Variants in BRSK1 observed in about 807,000 individuals in gnomAD.
BRSK1 encodes the protein serine/threonine-protein kinase BRSK1.
BRSK1 carries 17 observed loss-of-function variants against 86.2 expected under a neutral mutation model. That is an observed-to-expected ratio of 0.20 (90% CI 0.14 to 0.30). The LOEUF (loss-of-function observed/expected upper bound fraction) is 0.30. Among genes scored for constraint, BRSK1 ranks in the 10% least tolerant of loss-of-function variants. The pLI is 1.00. For synonymous variants in BRSK1, 464 were observed against 440.1 expected (o/e 1.05, Z -0.68); for missense variants, 719 against 1,071.9 (o/e 0.67, Z 4.60).
At position 55,306,399 on chromosome 19, in the gene BRSK1, G is replaced by C; in HGVS notation, c.2038G>C (p.Asp680His). ...SEGPEPSPRR[D>H]GSGGGGIYSV... is the part of the protein sequence containing the mutation. The stretch of plus-strand genomic sequence containing the variant: ...GGGTCCAGAGCCCTCCCCGCGACGG[G>C]ACGGCAGCGGAGGTGGTGGCATCTA... The change falls in exon 17 of 19, where the codon GAC becomes CAC. Residue 680 changes from aspartate (D) to histidine (H), a missense_variant. Physicochemically the swap from Asp to His is moderately conservative, Grantham distance 81. This residue lies in a region of BRSK1 where 180 missense variants were observed against 259.4 expected (regional missense o/e 0.69). Transcript: ENST00000309383. The surrounding 1 kb of genome is among the most constrained non-coding windows in gnomAD (Gnocchi z 4.7). The C allele has an allele frequency of 6.2e-7, 1 of 1,613,852 alleles. No individual in the cohort carries two copies. The highest frequency in any genetic ancestry group is 1.1e-5 in the South Asian group (1 of 91,086).
In BRSK1 at chr19:55,303,236, A is replaced by G. The variant is rs1309751455; in HGVS notation, c.1029-75A>G. The G allele has an allele frequency of 1.7e-6, 2 of 1,179,274 alleles. No individual in the cohort carries two copies. The highest frequency in any genetic ancestry group is 2.5e-6 in the Non-Finnish European group (2 of 788,156). 73.1% of individuals were successfully genotyped at this position (1,179,274 alleles called of 1,614,324 possible). On this transcript the variant is annotated intron_variant, in intron 10 of 18. Transcript: ENST00000309383. The surrounding 1 kb of genome is among the most constrained non-coding windows in gnomAD (Gnocchi z 5.1). ...TGGGCAGAAATACAGGGAGCGGAGGAGACCTCCTCTGAGCATTGATGTTGG... is the reference window on the plus strand; with the variant it reads ...TGGGCAGAAATACAGGGAGCGGAGGGGACCTCCTCTGAGCATTGATGTTGG...
intron 4 of BRSK1, among the ~76,000 whole-genome samples, chr19:55,293,196 C>T (rs571793686): frequency 2.2e-4 from 33 of 150,538 alleles, no homozygotes; most frequent in Non-Finnish European, 4.1e-4. Context: ...TCTGTCTCTA[C>T]TAAAAATACA....
Position 55,284,352 on chromosome 19 carries a change from A to G in BRSK1, c.-91A>G. The G allele has an allele frequency of 2.3e-6, 2 of 876,254 alleles. No individual in the cohort carries two copies. Among genetic ancestry groups the G allele is most frequent in the African/African-American group, 1.8e-5 (1 of 54,688 alleles). The allele number at this position is 876,254 out of a possible 1,614,324, so 54.3% of individuals were successfully genotyped here. The stretch of plus-strand genomic sequence containing the variant: ...GTGGGGGGCAGCCGGGGGGGCCGGG[A>G]CGGAGCGGTCGCCGGCCCCCACCGG... On this transcript the variant is annotated 5_prime_UTR_variant, in exon 1 of 19. Transcript: ENST00000309383.
chr19:55,290,850 C>G (rs2088394591), intron 4 of BRSK1, among the ~76,000 whole-genome samples: 2 of 152,078 alleles, frequency 1.3e-5, no homozygotes, highest in Admixed American at 1.3e-4. Context: ...ACCATGTTAG[C>G]CAGGATGGTC....
At position 55,299,020 on chromosome 19, in the gene BRSK1, T is replaced by TC. The variant is rs532257693; in HGVS notation, c.679-2491dup. Among the ~76,000 whole-genome samples the TC allele has an allele frequency of 2.4e-4, 36 of 152,098 alleles. 1 individual carries two copies. The South Asian group carries it at 7.5e-3, about 32-fold the overall frequency. ...AGGCTGAGGCGGGCAGATCACGAAG[T>TC]CAGGAGTTCGAGACCAGCCTGGCCA... On this transcript the variant is annotated intron_variant, in intron 7 of 18. Coordinates refer to ENST00000309383, the MANE Select transcript of BRSK1 (RefSeq NM_032430.2).
In BRSK1 at chr19:55,302,913, C is replaced by CT. The variant is rs757321396; in HGVS notation, c.1028+47dup. The CT allele has an allele frequency of 3.2e-6, 5 of 1,583,844 alleles. No homozygotes were observed. The highest frequency in any genetic ancestry group is 4.3e-6 in the Non-Finnish European group (5 of 1,159,894). ...CACCCGTGTACCCACGTGGGGCGAGCTGCAGCAGCTCCCTGCGCACATGCA... is the reference window on the plus strand; with the variant it reads ...CACCCGTGTACCCACGTGGGGCGAGCTTGCAGCAGCTCCCTGCGCACATGCA... On this transcript the variant is annotated intron_variant, in intron 10 of 18. Coordinates refer to ENST00000309383, the MANE Select transcript of BRSK1 (RefSeq NM_032430.2). This position sits in a 1 kb window ranked among gnomAD's most constrained non-coding sequence, Gnocchi z 6.3.
chr19:55,306,586 C>A lies in BRSK1; in HGVS notation c.2089+136C>A. 1.0e-6 allele frequency: 1 copy of A among 988,408 alleles called. No individual in the cohort carries two copies. Among genetic ancestry groups the A allele is most frequent in the Non-Finnish European group, 1.5e-6 (1 of 668,084 alleles). The allele number at this position is 988,408 out of a possible 1,614,324, so 61.2% of individuals were successfully genotyped here. On this transcript the variant is annotated intron_variant, in intron 17 of 18. Transcript: ENST00000309383. This position sits in a 1 kb window ranked among gnomAD's most constrained non-coding sequence, Gnocchi z 4.7. ...CTGGTGCCGACTCTCTGTGCTCCTC[C>A]TGCCCACACAGACCGCCCCACAAGC...
intron 3 of BRSK1, 112 bp from the exon 4 acceptor site, chr19:55,289,368 G>T: frequency 7.7e-7 from 1 of 1,295,046 alleles, no homozygotes; most frequent in Non-Finnish European, 1.1e-6. Context: ...TTTCTCCCAA[G>T]GATCATGGGA....
intron 4 of BRSK1, among the ~76,000 whole-genome samples, chr19:55,293,308 G>A (rs1410124618): frequency 2.6e-5 from 4 of 152,174 alleles, no homozygotes; most frequent in African/African-American, 9.7e-5. Flanking sequence ...TCCAGCCTAG[G>A]CAACAGAGCG....
chr19:55,284,418 C>A lies in BRSK1; in HGVS notation c.-25C>A. On this transcript the variant is annotated 5_prime_UTR_variant, in exon 1 of 19. Transcript: ENST00000309383. ...GCCGCAGGGGGGGCGGCCGGGGGAC[C>A]GGTCGGGCCGGGACCAAGGGCACCA... 8.5e-7 allele frequency: 1 copy of A among 1,181,232 alleles called. No individual in the cohort carries two copies. Among genetic ancestry groups the A allele is most frequent in the Non-Finnish European group, 1.1e-6 (1 of 925,160 alleles). The allele number at this position is 1,181,232 out of a possible 1,614,324, so 73.2% of individuals were successfully genotyped here.
At position 55,284,248 on chromosome 19, in the gene BRSK1, G is replaced by A. The variant is rs2088274317; in HGVS notation, c.-195G>A. On this transcript the variant is annotated 5_prime_UTR_variant, in exon 1 of 19. Transcript: ENST00000309383. ...CTGACTCCCGGGGCCTGACCCCCCC[G>A]GGCCAGCCCCCCCTCCCCCAGCTCC... The A allele has an allele frequency of 2.1e-6, 1 of 468,100 alleles. No homozygotes were observed. Among genetic ancestry groups the A allele is most frequent in the Non-Finnish European group, 3.4e-6 (1 of 296,362 alleles). The allele number at this position is 468,100 out of a possible 1,614,324, so 29.0% of individuals were successfully genotyped here. A position where few individuals can be genotyped will look rare whatever the true frequency, so the allele number is the denominator to read the frequency against.
chr19:55,284,336 A>G lies in BRSK1; in HGVS notation c.-107A>G. ...GGGGACCCCCGGAGAGGTGGGGGGCAGCCGGGGGGGCCGGGACGGAGCGGT... is the reference window on the plus strand; with the variant it reads ...GGGGACCCCCGGAGAGGTGGGGGGCGGCCGGGGGGGCCGGGACGGAGCGGT... On this transcript the variant is annotated 5_prime_UTR_variant, in exon 1 of 19. Transcript: ENST00000309383. 3 of 873,744 alleles carry G rather than the reference A, an allele frequency of 3.4e-6. No individual in the cohort carries two copies. Among genetic ancestry groups the G allele is most frequent in the Non-Finnish European group, 4.5e-6 (3 of 660,628 alleles). The allele number at this position is 873,744 out of a possible 1,614,324, so 54.1% of individuals were successfully genotyped here.
rs778425492 is a variant in BRSK1 at position 55,294,207 on chromosome 19, C to T, written c.576-7C>T. The T allele has an allele frequency of 6.2e-7, 1 of 1,613,582 alleles. No homozygotes were observed. The highest frequency in any genetic ancestry group is 2.2e-5 in the East Asian group (1 of 44,866). ...GGCTGGAGGCTCACATCAGCTCTCT[C>T]CCTCAGGTCCCCCCATTATGCGTGT... On this transcript the variant is annotated splice_polypyrimidine_tract_variant and splice_region_variant and intron_variant, in intron 5 of 18. Coordinates refer to ENST00000309383, the MANE Select transcript of BRSK1 (RefSeq NM_032430.2). This position sits in a 1 kb window ranked among gnomAD's most constrained non-coding sequence, Gnocchi z 4.9.
intron 7 of BRSK1, among the ~76,000 whole-genome samples, chr19:55,298,025 G>C (rs1568984342): frequency 6.6e-6 from 1 of 151,880 alleles, no homozygotes; most frequent in Non-Finnish European, 1.5e-5. Flanking sequence ...ATGTTGGCCA[G>C]GCTGGTCTCG....
Position 55,287,145 on chromosome 19 carries a change from C to T in BRSK1, c.231+44C>T, listed in dbSNP as rs200202914. ...GTGTGCCTGCGGGTGGGGGGGCCTC[C>T]GGGGCTGAGGGCAGGGGCGGGGCCG... On this transcript the variant is annotated intron_variant, in intron 2 of 18. Coordinates refer to ENST00000309383, the MANE Select transcript of BRSK1 (RefSeq NM_032430.2). The surrounding 1 kb of genome is among the most constrained non-coding windows in gnomAD (Gnocchi z 5.3). 1.9e-4 allele frequency: 154 copies of T among 811,024 alleles called. No homozygotes were observed. Among genetic ancestry groups the T allele is most frequent in the Non-Finnish European group, 2.7e-4 (139 of 507,454 alleles). The allele number at this position is 811,024 out of a possible 1,614,324, so 50.2% of individuals were successfully genotyped here.
In BRSK1 at chr19:55,287,127, T is replaced by C. The variant is rs770212801; in HGVS notation, c.231+26T>C. On this transcript the variant is annotated intron_variant, in intron 2 of 18. Transcript: ENST00000309383. The surrounding 1 kb of genome is among the most constrained non-coding windows in gnomAD (Gnocchi z 5.3). ...GTGTGTGCGCCTGCTGCAGTGTGCC[T>C]GCGGGTGGGGGGGCCTCCGGGGCTG... 8.2e-7 allele frequency: 1 copy of C among 1,219,568 alleles called. No individual in the cohort carries two copies. The allele number at this position is 1,219,568 out of a possible 1,614,324, so 75.5% of individuals were successfully genotyped here. A position where few individuals can be genotyped will look rare whatever the true frequency, so the allele number is the denominator to read the frequency against.
rs2088599736 is a variant in BRSK1 at position 55,303,298 on chromosome 19, C to T, written c.1029-13C>T. On this transcript the variant is annotated splice_polypyrimidine_tract_variant and intron_variant, in intron 10 of 18. Coordinates refer to ENST00000309383, the MANE Select transcript of BRSK1 (RefSeq NM_032430.2). The surrounding 1 kb of genome is among the most constrained non-coding windows in gnomAD (Gnocchi z 5.1). ...CTGCTACCTCTTTCCACCTTTCCCA[C>T]CCCCTGCCTTAGGGAGAACCAAGAA... 2 of 1,606,158 alleles carry T rather than the reference C, an allele frequency of 1.2e-6. No homozygotes were observed. The highest frequency in any genetic ancestry group is 8.5e-7 in the Non-Finnish European group (1 of 1,173,098).
intron 14 of BRSK1, 93 bp downstream of exon 14, chr19:55,305,013 G>A: frequency 6.5e-7 from 1 of 1,540,882 alleles, no homozygotes; most frequent in Non-Finnish European, 8.7e-7. Context: ...GTCTAGAGAG[G>A]AAGGGACTGG....
chr19:55,310,902 A>T lies in BRSK1; in HGVS notation c.2180-1009A>T, dbSNP rs922562815. On this transcript the variant is annotated intron_variant, in intron 18 of 18. Coordinates refer to ENST00000309383, the MANE Select transcript of BRSK1 (RefSeq NM_032430.2). This position sits in a 1 kb window ranked among gnomAD's most constrained non-coding sequence, Gnocchi z 5.0. Reference sequence around the variant, plus strand: ...GCTCAGCCACCATCTCATAAAGGAGAATGGGGTGGGGGGTGCAGGCCTCCG... The same window carrying T: ...GCTCAGCCACCATCTCATAAAGGAGTATGGGGTGGGGGGTGCAGGCCTCCG... Among the ~76,000 whole-genome samples, 1 of 151,924 alleles carries T rather than the reference A, an allele frequency of 6.6e-6. No homozygotes were observed. The highest frequency in any genetic ancestry group is 2.4e-5 in the African/African-American group (1 of 41,366).
Sources: gnomAD v4.1 joint callset for allele counts (sites outside exome capture counted in the v4.1 genomes callset) on GRCh38, gnomAD v4.1.1 for gene constraint, gnomAD v4.1.1 regional missense constraint, Gnocchi (gnomAD v3.1) non-coding constraint, MANE v1.5 for transcripts, NCBI Gene and HGNC (gene_info 2026-07-23, HGNC 2026-07-21) for gene names.